IGFL2: variants seen among roughly 807,000 people sequenced by gnomAD.
IGFL2 encodes the protein insulin growth factor-like family member 2.
A neutral mutation model predicts 13.9 loss-of-function variants in IGFL2; 7 were observed. The observed-to-expected ratio is 0.51, with a 90% CI of 0.29 to 0.95. The LOEUF is 0.95. Ranked by LOEUF, IGFL2 falls within the 40% of genes least tolerant of loss-of-function variation. IGFL2 has a pLI of 0.08. For missense variants in IGFL2, 138 were observed against 147.8 expected (o/e 0.93, Z 0.34); for synonymous variants, 55 against 55.8 (o/e 0.99, Z 0.07).
At chr19:46,176,009 ATTTTTTTTTT>A in the IGFL2 span, among the ~76,000 whole-genome samples, 6 of 71,904 alleles carry the variant, frequency 8.3e-5, no homozygotes, top group East Asian at 6.8e-4. Context: ...CGCCCGACTA[ATTTTTTTTTT>A]TTTTTTTTTT....
chr19:46,201,065 A>G, the IGFL2 span, among the ~76,000 whole-genome samples: 1 of 152,196 alleles, frequency 6.6e-6, no homozygotes. Context: ...CTCTTTCCTG[A>G]ACTGCAAATG....
the IGFL2 span, among the ~76,000 whole-genome samples, chr19:46,177,544 G>A: frequency 6.6e-6 from 1 of 152,040 alleles, no homozygotes; most frequent in African/African-American, 2.4e-5. Flanking sequence ...TGCACATCAG[G>A]CCATCAAAGA....
upstream of IGFL2, among the ~76,000 whole-genome samples, chr19:46,139,833 CTA>C (rs1360919209): frequency 6.6e-6 from 1 of 150,950 alleles, no homozygotes; most frequent in Non-Finnish European, 1.5e-5. Context: ...GTGTATATGT[CTA>C]TATATATTTA....
chr19:46,092,300 C>A, the IGFL2 span, among the ~76,000 whole-genome samples: 1 of 152,042 alleles, frequency 6.6e-6, no homozygotes, highest in Non-Finnish European at 1.5e-5. Context: ...TCTGGGACTA[C>A]AGGCACACAG....
chr19:46,126,121 C>T, the IGFL2 span, among the ~76,000 whole-genome samples: 1 of 151,278 alleles, frequency 6.6e-6, no homozygotes, highest in East Asian at 1.9e-4. Flanking sequence ...GCAATCTCAT[C>T]ACTTAGAATG....
the IGFL2 span, among the ~76,000 whole-genome samples, chr19:46,081,956 G>A: frequency 5.9e-5 from 9 of 152,342 alleles, no homozygotes; most frequent in Admixed American, 3.9e-4. Flanking sequence ...AGTTGTTAAT[G>A]TCAAGAGAGC....
At chr19:46,190,592 A>T in the IGFL2 span, among the ~76,000 whole-genome samples, 1 of 152,172 alleles carries the variant, frequency 6.6e-6, no homozygotes, top group Non-Finnish European at 1.5e-5. Context: ...CAAGTGTGTG[A>T]ATGAGGAAGG....
At chr19:46,079,343 C>T in the IGFL2 span, among the ~76,000 whole-genome samples, 1 of 152,106 alleles carries the variant, frequency 6.6e-6, no homozygotes. Flanking sequence ...AAGTCGCTGC[C>T]GCTCCCCTCG....
the IGFL2 span, chr19:46,120,310 G>A: frequency 6.2e-7 from 1 of 1,610,790 alleles, no homozygotes; most frequent in Non-Finnish European, 8.5e-7. Context: ...TCTGCCGTCT[G>A]CCAGTGGAGC....
the IGFL2 span, chr19:46,206,686 ACT>A: frequency 6.6e-6 from 1 of 152,178 alleles, no homozygotes; most frequent in African/African-American, 2.4e-5. Context: ...TGCCATGCAC[ACT>A]CTTCTATTTC....
the IGFL2 span, chr19:46,137,372 G>T: frequency 2.7e-6 from 3 of 1,104,736 alleles, no homozygotes; most frequent in Non-Finnish European, 4.2e-6. Context: ...GACCTGTAGT[G>T]TAGACAGATA....
chr19:46,214,625 A>G, the IGFL2 span: 88,032 of 150,818 alleles, frequency 0.58, 26,041 homozygotes, highest in Non-Finnish European at 0.64. Flanking sequence ...GCTGAAGCCC[A>G]GGGCCTTCAT....
chr19:46,079,921 G>A, the IGFL2 span, among the ~76,000 whole-genome samples: 5 of 152,176 alleles, frequency 3.3e-5, no homozygotes, highest in East Asian at 3.9e-4. Context: ...GCTCCCTGGC[G>A]TCTCTCCTTG....
At chr19:46,142,163 A>G (rs1016326174), upstream of IGFL2, among the ~76,000 whole-genome samples, 17 of 152,184 alleles carry the variant, frequency 1.1e-4, no homozygotes, top group African/African-American at 3.9e-4. Flanking sequence ...CAAGCATCCA[A>G]TAACATAAAT....
the IGFL2 span, among the ~76,000 whole-genome samples, chr19:46,204,523 A>G: frequency 1.7e-4 from 26 of 152,288 alleles, no homozygotes; most frequent in African/African-American, 5.5e-4. Flanking sequence ...AGGGTTCCCA[A>G]TAACTAGGGA....
At chr19:46,203,398 G>GC in the IGFL2 span, 1 of 152,992 alleles carries the variant, frequency 6.5e-6, no homozygotes, top group Non-Finnish European at 1.5e-5. Context: ...CAGAGAGTTG[G>GC]CCAACACCCC....
chr19:46,106,624 G>A, the IGFL2 span, among the ~76,000 whole-genome samples: 1 of 152,158 alleles, frequency 6.6e-6, no homozygotes, highest in Non-Finnish European at 1.5e-5. Flanking sequence ...GGATAGGCAA[G>A]ACAATTTGGT....
At chr19:46,165,836 A>G (rs770286808), downstream of IGFL2, among the ~76,000 whole-genome samples, 2 of 152,246 alleles carry the variant, frequency 1.3e-5, no homozygotes, top group African/African-American at 4.8e-5. Context: ...GCCGGACCCA[A>G]TAGTCCTGTG....
At chr19:46,124,066 T>C in the IGFL2 span, 1 of 1,611,526 alleles carries the variant, frequency 6.2e-7, no homozygotes, top group Non-Finnish European at 8.5e-7. Flanking sequence ...GATGGCATCA[T>C]CATAACAGCA....
Sources: allele counts gnomAD v4.1 joint callset (sites outside exome capture counted in the v4.1 genomes callset), GRCh38; gene constraint gnomAD v4.1.1; transcripts MANE v1.5; gene names NCBI Gene and HGNC (gene_info 2026-07-23, HGNC 2026-07-21).